Variants in TSNARE1 observed in about 807,000 individuals in gnomAD.
TSNARE1 encodes the protein t-SNARE domain containing 1, also known as t-SNARE domain-containing protein 1.
A neutral mutation model predicts 62.0 loss-of-function variants in TSNARE1; 49 were observed. The observed-to-expected ratio is 0.79, with a 90% confidence interval of 0.63 to 1.00. The LOEUF is 1.00. Ranked by LOEUF, TSNARE1 falls within the 50% of genes least tolerant of loss-of-function variation. TSNARE1 has a pLI of 0.00. For missense variants in TSNARE1, 755 were observed against 700.1 expected, an observed-to-expected ratio of 1.08 and a Z score of -0.88; for synonymous variants, 328 against 294.4, an observed-to-expected ratio of 1.11 and a Z score of -1.17.
intron 13 of TSNARE1, among the ~76,000 whole-genome samples, chr8:142,213,932 G>A (rs774429569): frequency 5.9e-5 from 9 of 151,970 alleles, no homozygotes; most frequent in Non-Finnish European, 7.4e-5. Context: ...AAAGGCACCC[G>A]GTGCTGTGGG....
intron 1 of TSNARE1, among the ~76,000 whole-genome samples, chr8:142,385,416 T>G (rs1837047446): frequency 6.6e-6 from 1 of 152,248 alleles, no homozygotes; most frequent in South Asian, 2.1e-4. Flanking sequence ...TCAAAACGAC[T>G]GTCAATGAGC....
chr8:142,312,951 T>G (rs888000773), intron 9 of TSNARE1, among the ~76,000 whole-genome samples: 2 of 152,260 alleles, frequency 1.3e-5, no homozygotes, highest in Non-Finnish European at 2.9e-5. Context: ...GGCTCCCAGC[T>G]GCTCCGATGT....
rs184624361 is a variant in TSNARE1, at chr8:142,223,930, G to A, written c.*11+5543C>T. ...ATCTGAGAAACCTGGACAATGCCAC[G>A]TCCTGGCCACCCAGGGGAGGGCTTT... On this transcript the variant is annotated intron_variant, in intron 13 of 13. Coordinates refer to ENST00000524325, the MANE Select transcript of TSNARE1 (RefSeq NM_145003.5). Among the ~76,000 whole-genome samples, 17 of 151,434 alleles carry A rather than the reference G, an allele frequency of 1.1e-4. No individual in the cohort carries two copies. In the East Asian group the frequency reaches 2.0e-3, roughly 17 times the overall value.
chr8:142,319,671 G>A lies in TSNARE1; in HGVS notation c.894-1037C>T, dbSNP rs1388564687. On this transcript the variant is annotated intron_variant, in intron 6 of 13. Transcript: ENST00000524325. This position sits in a 1 kb window ranked among gnomAD's most constrained non-coding sequence, Gnocchi z 4.9. The stretch of plus-strand genomic sequence containing the variant: ...GGACCTGCACCAAGCAGGCCTTGGG[G>A]CCGACACGTGGGAGCGAGCCTGGCA... Among the ~76,000 whole-genome samples, 5 of 152,164 alleles carry A rather than the reference G, an allele frequency of 3.3e-5. No individual in the cohort carries two copies. The highest frequency in any genetic ancestry group is 1.3e-4 in the Admixed American group (2 of 15,280).
intron 1 of TSNARE1, among the ~76,000 whole-genome samples, chr8:142,396,228 A>C (rs1390984930): frequency 6.6e-6 from 1 of 151,898 alleles, no homozygotes; most frequent in East Asian, 1.9e-4. Context: ...TCAGGCGATA[A>C]ACACAAACAC....
At chr8:142,353,975 C>T (rs1834462410) in intron 2 of TSNARE1, among the ~76,000 whole-genome samples, 2 of 152,132 alleles carry the variant, frequency 1.3e-5, no homozygotes, top group East Asian at 1.9e-4. Context: ...ACCCTCATGG[C>T]GGCTGCCCTG....
At chr8:142,338,295 G>A (rs532008764) in intron 4 of TSNARE1, among the ~76,000 whole-genome samples, 5 of 152,346 alleles carry the variant, frequency 3.3e-5, no homozygotes, top group South Asian at 2.1e-4. Context: ...ACACTCGGCC[G>A]TGTGTGGGAT....
At chr8:142,348,472 G>A (rs1833665143) in intron 2 of TSNARE1, among the ~76,000 whole-genome samples, 1 of 151,154 alleles carries the variant, frequency 6.6e-6, no homozygotes, top group Middle Eastern at 3.4e-3. Context: ...ACTCCCGGCC[G>A]CCCCAAGCTG....
chr8:142,306,351 C>A (rs925859912), intron 9 of TSNARE1, among the ~76,000 whole-genome samples: 21 of 152,212 alleles, frequency 1.4e-4, no homozygotes, highest in Admixed American at 5.2e-4. Context: ...CGGCTGGGGA[C>A]ACACGAAGTC....
At chr8:142,261,505 C>T (rs1818887178) in intron 12 of TSNARE1, among the ~76,000 whole-genome samples, 1 of 151,884 alleles carries the variant, frequency 6.6e-6, no homozygotes, top group Admixed American at 6.5e-5. Flanking sequence ...TGCTGGCACT[C>T]CCTGCTTTCT....
intron 12 of TSNARE1, chr8:142,270,481 CAT>C (rs67801065): frequency 0.41 from 323,307 of 783,672 alleles, 24,131 homozygotes; most frequent in East Asian, 0.56. Context: ...AATATATAGG[CAT>C]ATATATATAT....
chr8:142,300,763 G>GGACGATCTGGGTCTGAGAC, intron 9 of TSNARE1, 119 bp from the exon 10 acceptor site: 1 of 1,212,112 alleles, frequency 8.3e-7, no homozygotes, highest in Non-Finnish European at 1.1e-6. Flanking sequence ...CTCTCTGAGG[G>GGACGATCTGGGTCTGAGAC]GACGATCTGG....
chr8:142,283,080 A>G (rs1821928947), intron 11 of TSNARE1, among the ~76,000 whole-genome samples: 3 of 148,148 alleles, frequency 2.0e-5, no homozygotes, highest in Admixed American at 2.0e-4. Flanking sequence ...AGGTGGGGCC[A>G]GTGTCTATCA....
intron 12 of TSNARE1, among the ~76,000 whole-genome samples, chr8:142,255,719 CCAT>C (rs1818442113): frequency 1.6e-5 from 1 of 61,072 alleles, no homozygotes. Flanking sequence ...ACCATCATCA[CCAT>C]CACCACCACC....
chr8:142,227,019 G>A (rs1308261991), intron 13 of TSNARE1, among the ~76,000 whole-genome samples: 1 of 68,252 alleles, frequency 1.5e-5, no homozygotes, highest in African/African-American at 5.4e-5. Flanking sequence ...TGACAGCCAA[G>A]CCCCCCACTG....
intron 13 of TSNARE1, among the ~76,000 whole-genome samples, chr8:142,219,784 G>A (rs1350265834): frequency 2.0e-5 from 3 of 152,200 alleles, no homozygotes; most frequent in Admixed American, 2.0e-4. Flanking sequence ...GCCCCTCCAG[G>A]CCTCAGCCGT....
At chr8:142,366,013 G>C in intron 1 of TSNARE1, 1 of 393,470 alleles carries the variant, frequency 2.5e-6, no homozygotes, top group Non-Finnish European at 5.0e-6. Flanking sequence ...AATTGTCCCA[G>C]GACACTGAAA....
At chr8:142,329,102 G>A (rs896330825) in intron 6 of TSNARE1, among the ~76,000 whole-genome samples, 21 of 152,344 alleles carry the variant, frequency 1.4e-4, no homozygotes, top group African/African-American at 4.3e-4. Context: ...TGGCAACCAC[G>A]TTGGTCTCAA....
chr8:142,308,809 G>A (rs967600187), intron 9 of TSNARE1, among the ~76,000 whole-genome samples: 2 of 152,144 alleles, frequency 1.3e-5, no homozygotes, highest in African/African-American at 4.8e-5. Context: ...CTGAAAACCT[G>A]CTGGAACCTT....
Sources: allele counts gnomAD v4.1 joint callset (sites outside exome capture counted in the v4.1 genomes callset), GRCh38; gene constraint gnomAD v4.1.1; non-coding constraint Gnocchi (gnomAD v3.1); transcripts MANE v1.5; gene names NCBI Gene and HGNC (gene_info 2026-07-23, HGNC 2026-07-21).